The following DSCAM variants were observed in gnomAD, a reference collection of about 807,000 sequenced individuals.
DSCAM encodes cell adhesion molecule DSCAM.
Under a neutral mutation model 217.7 loss-of-function variants are expected in DSCAM, and 47 were observed. The ratio of observed to expected loss-of-function variants is 0.22; its 90% confidence interval spans 0.17 to 0.28. The LOEUF is 0.28. Ranked by LOEUF, DSCAM falls within the 10% of genes least tolerant of loss-of-function variation. DSCAM has a pLI of 1.00. For missense variants in DSCAM, 2,080 were observed against 2,618.3 expected (o/e 0.79, Z 4.49); for synonymous variants, 1,056 against 1,015.3 (o/e 1.04, Z -0.76).
intron 29 of DSCAM, among the ~76,000 whole-genome samples, chr21:40,053,092 C>T (rs894286134): frequency 3.3e-5 from 5 of 152,136 alleles, no homozygotes; most frequent in East Asian, 1.9e-4. Flanking sequence ...AACAGGGATG[C>T]GAAAGTCGTA....
At chr21:40,058,698 C>G (rs2089067619) in intron 28 of DSCAM, among the ~76,000 whole-genome samples, 1 of 152,196 alleles carries the variant, frequency 6.6e-6, no homozygotes, top group African/African-American at 2.4e-5. Context: ...TATTTGCTGT[C>G]ACTTTTGACA....
At chr21:40,334,578 A>G (rs2123572859) in intron 8 of DSCAM, among the ~76,000 whole-genome samples, 1 of 152,220 alleles carries the variant, frequency 6.6e-6, no homozygotes, top group East Asian at 1.9e-4. Flanking sequence ...CCAACAGGTC[A>G]TTCTACTTGC....
At chr21:40,138,492 G>T (rs956709182) in intron 18 of DSCAM, among the ~76,000 whole-genome samples, 4 of 149,210 alleles carry the variant, frequency 2.7e-5, no homozygotes, top group Non-Finnish European at 6.0e-5. Flanking sequence ...GGGTGTGTGT[G>T]GTGTGTGTGT....
chr21:40,439,423 A>T (rs536824329), intron 3 of DSCAM, among the ~76,000 whole-genome samples: 2 of 152,208 alleles, frequency 1.3e-5, no homozygotes, highest in Non-Finnish European at 2.9e-5. Context: ...GGTAGAACAG[A>T]TTTAAGTGAA....
chr21:40,243,087 G>A (rs528212869), intron 11 of DSCAM, among the ~76,000 whole-genome samples: 10 of 152,298 alleles, frequency 6.6e-5, no homozygotes, highest in African/African-American at 2.2e-4. Context: ...ACAGCTGAGT[G>A]ATCTGGTCTG....
intron 3 of DSCAM, among the ~76,000 whole-genome samples, chr21:40,397,290 C>CTCCTGAGGGTCAT (rs2075188085): frequency 6.6e-6 from 1 of 151,664 alleles, no homozygotes; most frequent in Admixed American, 6.6e-5. Context: ...ATGAGGGTCA[C>CTCCTGAGGGTCAT]TCCCTCATGA....
chr21:40,348,177 G>A (rs1601573640), intron 5 of DSCAM, among the ~76,000 whole-genome samples: 1 of 137,212 alleles, frequency 7.3e-6, no homozygotes, highest in Non-Finnish European at 1.6e-5. Flanking sequence ...ACTCCACACA[G>A]TTCCTATCAG....
intron 3 of DSCAM, among the ~76,000 whole-genome samples, chr21:40,396,938 C>T (rs2075183775): frequency 1.3e-5 from 2 of 152,156 alleles, no homozygotes; most frequent in Admixed American, 1.3e-4. Flanking sequence ...CTTCCCAGAT[C>T]ACCACATCTA....
intron 3 of DSCAM, among the ~76,000 whole-genome samples, chr21:40,525,453 T>A (rs1220950464): frequency 6.6e-6 from 1 of 152,216 alleles, no homozygotes; most frequent in Admixed American, 6.5e-5. Context: ...GGGTTCATCA[T>A]ACAAAGTGGG....
At chr21:40,293,389 C>T (rs1321686231) in intron 10 of DSCAM, among the ~76,000 whole-genome samples, 1 of 152,094 alleles carries the variant, frequency 6.6e-6, no homozygotes, top group East Asian at 1.9e-4. Flanking sequence ...AAGAATGCTG[C>T]TAGGAGAGGC....
chr21:40,046,237 C>T (rs912107218), intron 30 of DSCAM, among the ~76,000 whole-genome samples: 3 of 152,134 alleles, frequency 2.0e-5, no homozygotes, highest in African/African-American at 7.2e-5. Context: ...CTAGTTAATT[C>T]GACTTTGAAT....
chr21:40,062,691 C>T (rs1046645810), intron 28 of DSCAM, among the ~76,000 whole-genome samples, 178 bp downstream of exon 28: 4 of 152,178 alleles, frequency 2.6e-5, no homozygotes, highest in Non-Finnish European at 4.4e-5. Flanking sequence ...TTTTCATCTA[C>T]ACCTTCAGCT....
chr21:40,204,351 G>C (rs1357618253), intron 11 of DSCAM, among the ~76,000 whole-genome samples: 1 of 152,228 alleles, frequency 6.6e-6, no homozygotes, highest in Non-Finnish European at 1.5e-5. Context: ...GTGTCTGCTG[G>C]AAGACTAGAG....
At chr21:40,193,599 T>C (rs1452832677) in intron 11 of DSCAM, among the ~76,000 whole-genome samples, 1 of 152,172 alleles carries the variant, frequency 6.6e-6, no homozygotes, top group Non-Finnish European at 1.5e-5. Context: ...AGTGTCCTGA[T>C]TCCTGCAACA....
intron 3 of DSCAM, among the ~76,000 whole-genome samples, chr21:40,518,627 TACAC>T (rs565687723): frequency 2.4e-5 from 3 of 126,850 alleles, no homozygotes; most frequent in African/African-American, 9.5e-5. Flanking sequence ...TATATATACA[TACAC>T]ACACATATAT....
chr21:40,739,781 GTTTT>G (rs5844037), intron 1 of DSCAM, among the ~76,000 whole-genome samples: 1 of 144,254 alleles, frequency 6.9e-6, no homozygotes, highest in African/African-American at 2.5e-5. Context: ...TAGAGAATTA[GTTTT>G]TTTTTTTTTT....
chr21:40,604,954 A>G (rs1453884622), intron 3 of DSCAM, among the ~76,000 whole-genome samples: 2 of 152,114 alleles, frequency 1.3e-5, no homozygotes, highest in Non-Finnish European at 2.9e-5. Context: ...CCTTTCCTCA[A>G]GTTGGACAAT....
intron 3 of DSCAM, among the ~76,000 whole-genome samples, chr21:40,477,916 T>C (rs1446985948): frequency 6.6e-6 from 1 of 152,076 alleles, no homozygotes; most frequent in Non-Finnish European, 1.5e-5. Flanking sequence ...AGCTGAATCA[T>C]CACCAACTGA....
chr21:40,239,065 A>T (rs766652303), intron 11 of DSCAM, among the ~76,000 whole-genome samples: 23 of 152,184 alleles, frequency 1.5e-4, no homozygotes, highest in Non-Finnish European at 2.8e-4. Context: ...TTATGTGTCC[A>T]GAGTGGAATC....
Sources: allele counts gnomAD v4.1 joint callset (sites outside exome capture counted in the v4.1 genomes callset), GRCh38; gene constraint gnomAD v4.1.1; transcripts MANE v1.5; gene names NCBI Gene and HGNC (gene_info 2026-07-23, HGNC 2026-07-21).